NUDT21: variants seen among roughly 807,000 people sequenced by gnomAD.
The protein encoded by NUDT21 is nudix hydrolase 21, also known as cleavage and polyadenylation specificity factor subunit 5.
Under a neutral mutation model 29.8 loss-of-function variants are expected in NUDT21, and 5 were observed. The observed-to-expected ratio is 0.17, with a 90% CI of 0.09 to 0.35. NUDT21 has a LOEUF of 0.35. Among genes scored for constraint, NUDT21 ranks in the 10% least tolerant of loss-of-function variants. The pLI is 1.00. For synonymous variants in NUDT21, 113 were observed against 98.5 expected (o/e 1.15, Z -0.87); for missense variants, 76 against 276.0 (o/e 0.28, Z 5.13).
chr16:56,435,950 C>T (rs1459526834), intron 4 of NUDT21, among the ~76,000 whole-genome samples: 2 of 146,232 alleles, frequency 1.4e-5, no homozygotes, highest in Non-Finnish European at 3.0e-5. Flanking sequence ...ACCAGAAGAG[C>T]AGTCTAAGTG....
chr16:56,439,561 T>A, intron 4 of NUDT21, 96 bp downstream of exon 4: 1 of 848,572 alleles, frequency 1.2e-6, no homozygotes, highest in Admixed American at 2.1e-5. Flanking sequence ...AAAAGAAAAT[T>A]TCAAGTCAAA....
At position 56,429,879 on chromosome 16, in the gene NUDT21, C is replaced by T. The variant is rs1353219352; in HGVS notation, c.*2833G>A. The T allele has an allele frequency of 6.6e-6, 1 of 152,048 alleles. No individual in the cohort carries two copies. Among genetic ancestry groups the T allele is most frequent in the Non-Finnish European group, 1.5e-5 (1 of 67,992 alleles). 9.4% of individuals were successfully genotyped at this position (152,048 alleles called of 1,614,324 possible). On this transcript the variant is annotated 3_prime_UTR_variant, in exon 7 of 7. Transcript: ENST00000300291. ...AAGCATTTCATCTCAAGTGACTGAA[C>T]AAGTACTGTAAAAATAAAGTCATTA... is the stretch of plus-strand genomic sequence containing the variant.
intron 4 of NUDT21, chr16:56,439,316 C>T: frequency 4.1e-6 from 1 of 243,334 alleles, no homozygotes; most frequent in Non-Finnish European, 8.2e-6. Context: ...GGATTACAGG[C>T]TTGTACCATC....
chr16:56,437,442 T>C (rs1293424875), intron 4 of NUDT21, among the ~76,000 whole-genome samples: 1 of 152,212 alleles, frequency 6.6e-6, no homozygotes, highest in Non-Finnish European at 1.5e-5. Flanking sequence ...TACTGACACT[T>C]TAAAGGTCAC....
In NUDT21 at chr16:56,434,806, A is replaced by C; in HGVS notation, c.495T>G (p.Ile165Met). The C allele has an allele frequency of 1.3e-6, 2 of 1,595,000 alleles. No homozygotes were observed. The highest frequency in any genetic ancestry group is 1.7e-6 in the Non-Finnish European group (2 of 1,163,916). ...PPQYPYIPAH[I>M]TKPKEHKKLF... ...ACTTCTTATGTTCCTTAGGCTTTGT[A>C]ATATGTGCAGGAATATATGGATACT... The change falls in exon 5 of 7, where the codon ATT becomes ATG. Residue 165 changes from isoleucine (I) to methionine (M), a missense_variant. Around this residue, in one of 5 missense-constraint regions of NUDT21, gnomAD observed 13 missense variants for 16.6 expected, o/e 0.79. Coordinates refer to ENST00000300291, the MANE Select transcript of NUDT21 (RefSeq NM_007006.3).
chr16:56,448,133 G>C lies in NUDT21; in HGVS notation c.117-144C>G, dbSNP rs192397607. On this transcript the variant is annotated intron_variant, in intron 1 of 6. Transcript: ENST00000300291. ...ATTTGTACAGTTAACTAAAGTTAAT[G>C]AAACAGCAGAGACTGGAATCTTGCT... 56 of 658,968 alleles carry C rather than the reference G, an allele frequency of 8.5e-5. 1 individual carries two copies. In the East Asian group the frequency reaches 1.4e-3, roughly 16 times the overall value. 40.8% of individuals were successfully genotyped at this position (658,968 alleles called of 1,614,324 possible). A position where few individuals can be genotyped will look rare whatever the true frequency, so the allele number is the denominator to read the frequency against.
rs1596951647 is a variant in NUDT21 at position 56,429,163 on chromosome 16, CAATA to C, written c.*3545_*3548del. On this transcript the variant is annotated 3_prime_UTR_variant, in exon 7 of 7. Transcript: ENST00000300291. Reference sequence around the variant, plus strand: ...TTTCAAATATTTTTTATTGAAATGACAATAAAATAAAAAAAGAACAGTGATCACT... The same window carrying C: ...TTTCAAATATTTTTTATTGAAATGACAAATAAAAAAAGAACAGTGATCACT... The C allele has an allele frequency of 6.6e-6, 1 of 152,076 alleles. No homozygotes were observed. Among genetic ancestry groups the C allele is most frequent in the East Asian group, 1.9e-4 (1 of 5,180 alleles). 9.4% of individuals were successfully genotyped at this position (152,076 alleles called of 1,614,324 possible).
In NUDT21 at chr16:56,438,938, T is replaced by C. The variant is rs142840589; in HGVS notation, c.471+719A>G. On this transcript the variant is annotated intron_variant, in intron 4 of 6. Transcript: ENST00000300291. ...ATAATATGGAATTGTTTATTTTTAG[T>C]ATGATAATAACAGTACTATAGTTAT... Among the ~76,000 whole-genome samples, 36 of 152,344 alleles carry C rather than the reference T, an allele frequency of 2.4e-4. No individual in the cohort carries two copies. The East Asian group carries it at 6.4e-3, about 27-fold the overall frequency.
chr16:56,444,620 C>CAA (rs376261802), intron 3 of NUDT21, among the ~76,000 whole-genome samples: 7 of 111,018 alleles, frequency 6.3e-5, no homozygotes, highest in Non-Finnish European at 1.2e-4. Context: ...AAAACAAAAA[C>CAA]AAAAAAAAAA....
chr16:56,447,881 T>C lies in NUDT21; in HGVS notation c.225A>G (p.Gly75=), dbSNP rs1171631333. 1.2e-6 allele frequency: 2 copies of C among 1,614,116 alleles called. No homozygotes were observed. The highest frequency in any genetic ancestry group is 1.7e-6 in the Non-Finnish European group (2 of 1,179,992). The part of the protein sequence containing the change: ...QRMREEFDKI[G]MRRTVEGVLI... ...GAACCCCTTCTACAGTCCTCCTCAT[T>C]CCAATTTTATCAAATTCTTCCCTCA... The change falls in exon 2 of 7, where the codon GGA becomes GGG. Residue 75 remains glycine, a synonymous_variant. Coordinates refer to ENST00000300291, the MANE Select transcript of NUDT21 (RefSeq NM_007006.3).
chr16:56,435,724 TCC>T (rs1962090212), intron 4 of NUDT21, among the ~76,000 whole-genome samples: 1 of 55,646 alleles, frequency 1.8e-5, no homozygotes, highest in Non-Finnish European at 3.4e-5. Flanking sequence ...AGACTCTGTC[TCC>T]CAAAAAAAAA....
intron 6 of NUDT21, among the ~76,000 whole-genome samples, 193 bp downstream of exon 6, chr16:56,434,138 T>C (rs1319954621): frequency 1.3e-5 from 2 of 152,248 alleles, no homozygotes; most frequent in African/African-American, 4.8e-5. Context: ...CAGAATGTCA[T>C]GCCGAAACTT....
chr16:56,446,303 AACTTAATAATATCT>A lies in NUDT21; in HGVS notation c.381+309_381+322del, dbSNP rs560074949. On this transcript the variant is annotated intron_variant, in intron 3 of 6. Transcript: ENST00000300291. ...TAGCTATATAACAAGAAGTAATTTA[AACTTAATAATATCT>A]ACTTCCTACAGTTGTGGTGGTGATT... is the stretch of plus-strand genomic sequence containing the variant. 1.6e-4 allele frequency among the ~76,000 whole-genome samples: 24 copies of A among 152,344 alleles called. No individual in the cohort carries two copies. In the South Asian group the frequency reaches 4.1e-3, roughly 26 times the overall value.
intron 4 of NUDT21, 39 bp from the exon 5 acceptor site, chr16:56,434,868 A>T: frequency 1.0e-5 from 12 of 1,204,824 alleles, no homozygotes; most frequent in Non-Finnish European, 1.3e-5. Context: ...TATGTATTCC[A>T]TGGCTTCATT....
At chr16:56,438,852 C>G (rs560442163) in intron 4 of NUDT21, among the ~76,000 whole-genome samples, 4 of 150,772 alleles carry the variant, frequency 2.7e-5, no homozygotes, top group Admixed American at 6.6e-5. Flanking sequence ...CTAATCCAAA[C>G]AAATTATAAA....
intron 2 of NUDT21, 139 bp downstream of exon 2, chr16:56,447,650 T>C (rs895746516): frequency 1.8e-5 from 13 of 703,586 alleles, no homozygotes; most frequent in African/African-American, 3.6e-5. Flanking sequence ...AAATTACTCA[T>C]GATTTTCTCT....
chr16:56,449,136 C>T (rs1033999227), intron 1 of NUDT21: 1 of 152,160 alleles, frequency 6.6e-6, no homozygotes, highest in African/African-American at 2.4e-5. Context: ...TTTTTTAAAA[C>T]GCTTTACATA....
chr16:56,441,639 C>A (rs1962160915), intron 3 of NUDT21, among the ~76,000 whole-genome samples: 1 of 152,190 alleles, frequency 6.6e-6, no homozygotes. Context: ...TTTCTTCCAC[C>A]ATCTTCCCAT....
At chr16:56,445,278 G>GA (rs1444239942) in intron 3 of NUDT21, among the ~76,000 whole-genome samples, 1 of 152,122 alleles carries the variant, frequency 6.6e-6, no homozygotes. Flanking sequence ...TCCAAAACCT[G>GA]AAAAAAATCC....
Sources: allele counts gnomAD v4.1 joint callset (sites outside exome capture counted in the v4.1 genomes callset), GRCh38; gene constraint gnomAD v4.1.1; regional missense constraint gnomAD v4.1.1; transcripts MANE v1.5; gene names NCBI Gene and HGNC (gene_info 2026-07-23, HGNC 2026-07-21).